HMCN2: variants seen among roughly 807,000 people sequenced by gnomAD.
HMCN2 encodes the protein hemicentin 2.
HMCN2 carries 325 observed loss-of-function variants against 377.5 expected under a neutral mutation model. The ratio of observed to expected loss-of-function variants is 0.86; its 90% CI spans 0.79 to 0.94. The LOEUF (loss-of-function observed/expected upper bound fraction) is 0.94. HMCN2 is among the 40% of genes least tolerant of loss of function. The pLI is 0.00. For synonymous variants in HMCN2, 2,007 were observed against 2,046.8 expected, an observed-to-expected ratio of 0.98 and a Z score of 0.53; for missense variants, 4,543 against 4,725.3, an observed-to-expected ratio of 0.96 and a Z score of 1.13.
rs1842959366 is a variant in HMCN2, at chr9:130,403,677, C to T, written c.12014-64C>T. The T allele has an allele frequency of 8.7e-6, 11 of 1,264,606 alleles. 1 individual carries two copies. The South Asian group carries it at 1.3e-4, about 15-fold the overall frequency. 78.3% of individuals were successfully genotyped at this position (1,264,606 alleles called of 1,614,324 possible). A position where few individuals can be genotyped will look rare whatever the true frequency, so the allele number is the denominator to read the frequency against. ...TGCCTGTGAGACAGAATAGCCCAAT[C>T]TGCCCACCTCGGGGGTCCCCAGTCC... On this transcript the variant is annotated intron_variant, in intron 79 of 97. Coordinates refer to ENST00000683500, the MANE Select transcript of HMCN2 (RefSeq NM_001291815.2).
chr9:130,386,453 A>G lies in HMCN2; in HGVS notation c.9320A>G (p.Lys3107Arg). 7.7e-7 allele frequency: 1 copy of G among 1,303,616 alleles called. No individual in the cohort carries two copies. The highest frequency in any genetic ancestry group is 1.0e-6 in the Non-Finnish European group (1 of 988,738). 80.8% of individuals were successfully genotyped at this position (1,303,616 alleles called of 1,614,324 possible). Residue 3107 changes from lysine (K) to arginine (R), a missense_variant, in exon 61 of 98, where the codon AAA becomes AGA. Around this residue, in one of 5 missense-constraint regions of HMCN2, gnomAD observed 736 missense variants for 773.2 expected, o/e 0.95. Transcript: ENST00000683500. ...CTCTTCCTCTTTCAGGTATCGGATAAAGGTTTATACAGCTGTAAAGTCAGC... is the reference window on the plus strand; with the variant it reads ...CTCTTCCTCTTTCAGGTATCGGATAGAGGTTTATACAGCTGTAAAGTCAGC... ...LEIQEAQVSD[K>R]GLYSCKVSNV...
At chr9:130,296,056 G>T (rs1263703132) in intron 6 of HMCN2, among the ~76,000 whole-genome samples, 1 of 152,232 alleles carries the variant, frequency 6.6e-6, no homozygotes, top group Non-Finnish European at 1.5e-5. Flanking sequence ...AAGCTGTGAA[G>T]AATGTGTAAA....
rs1844112102 is a variant in HMCN2, at chr9:130,423,039, G to A, written c.13381+313G>A. On this transcript the variant is annotated intron_variant, in intron 87 of 97. Coordinates refer to ENST00000683500, the MANE Select transcript of HMCN2 (RefSeq NM_001291815.2). This position sits in a 1 kb window ranked among gnomAD's most constrained non-coding sequence, Gnocchi z 5.5. Reference sequence around the variant, plus strand: ...TCAGATTGTGGTTTCCCAAGCCACCGATGGCTCCCTGAGGCTTTTCCCCAT... The same window carrying A: ...TCAGATTGTGGTTTCCCAAGCCACCAATGGCTCCCTGAGGCTTTTCCCCAT... Among the ~76,000 whole-genome samples the A allele has an allele frequency of 6.6e-6, 1 of 152,326 alleles. No homozygotes were observed. The highest frequency in any genetic ancestry group is 1.5e-5 in the Non-Finnish European group (1 of 68,030).
At chr9:130,345,081 A>AGTGTTTG in intron 25 of HMCN2, among the ~76,000 whole-genome samples, 4 of 128,910 alleles carry the variant, frequency 3.1e-5, no homozygotes, top group Non-Finnish European at 6.6e-5. Flanking sequence ...TGTAGTGTGT[A>AGTGTTTG]GTGCATGGTG....
chr9:130,389,173 G>A (rs1429871355), intron 62 of HMCN2, among the ~76,000 whole-genome samples: 4 of 152,140 alleles, frequency 2.6e-5, no homozygotes, highest in African/African-American at 2.4e-5. Context: ...CCCTCCATGC[G>A]CTAAACGTGG....
chr9:130,387,711 G>T (rs1842097966), intron 61 of HMCN2, among the ~76,000 whole-genome samples: 1 of 152,164 alleles, frequency 6.6e-6, no homozygotes, highest in Non-Finnish European at 1.5e-5. Context: ...AGATGCCAAA[G>T]CCAGTAGCCT....
At chr9:130,279,046 C>A (rs897247055) in intron 1 of HMCN2, among the ~76,000 whole-genome samples, 3 of 151,432 alleles carry the variant, frequency 2.0e-5, no homozygotes, top group Non-Finnish European at 4.4e-5. Flanking sequence ...TACAGGCATG[C>A]GTCACCAGGC....
At chr9:130,320,121 G>C (rs1359240023) in intron 16 of HMCN2, among the ~76,000 whole-genome samples, 1 of 152,182 alleles carries the variant, frequency 6.6e-6, no homozygotes, top group African/African-American at 2.4e-5. Context: ...ACTACTACAA[G>C]GTACAGGCCA....
chr9:130,404,415 C>T (rs182650636), intron 80 of HMCN2, among the ~76,000 whole-genome samples: 16 of 152,312 alleles, frequency 1.1e-4, no homozygotes, highest in Admixed American at 3.9e-4. Flanking sequence ...GCTCCTCTCC[C>T]CTGGGACCTG....
intron 22 of HMCN2, among the ~76,000 whole-genome samples, chr9:130,336,401 A>T (rs1043021471): frequency 2.0e-5 from 3 of 152,012 alleles, no homozygotes; most frequent in African/African-American, 7.3e-5. Flanking sequence ...TTTGTTGAGG[A>T]CCTCTCTGTT....
At chr9:130,295,481 G>A (rs187921394) in intron 5 of HMCN2, among the ~76,000 whole-genome samples, 185 bp from the exon 6 acceptor site, 100 of 152,238 alleles carry the variant, frequency 6.6e-4, no homozygotes, top group African/African-American at 2.3e-3. Context: ...CACACAGTCT[G>A]CCCCTGGGGA....
At chr9:130,271,700 A>G (rs535365481) in intron 1 of HMCN2, among the ~76,000 whole-genome samples, 1 of 148,822 alleles carries the variant, frequency 6.7e-6, no homozygotes, top group East Asian at 1.9e-4. Context: ...CTATTTCTCC[A>G]AGGAGCCCTG....
At chr9:130,395,397 C>T in intron 71 of HMCN2, 50 bp downstream of exon 71, 1 of 1,246,046 alleles carries the variant, frequency 8.0e-7, no homozygotes, top group South Asian at 1.3e-5. Context: ...CCGCTCAGGC[C>T]TCAGACCTGA....
chr9:130,324,235 C>G, intron 19 of HMCN2, among the ~76,000 whole-genome samples: 1 of 152,244 alleles, frequency 6.6e-6, no homozygotes, highest in Admixed American at 6.5e-5. Context: ...TATGAACTTG[C>G]GTATCTAGGG....
chr9:130,389,198 C>T (rs1017540093), intron 62 of HMCN2, among the ~76,000 whole-genome samples: 3 of 152,276 alleles, frequency 2.0e-5, no homozygotes, highest in South Asian at 4.1e-4. Flanking sequence ...GCTGGCTCCT[C>T]GAACCTGCCC....
chr9:130,363,220 G>T (rs1186626832), intron 40 of HMCN2, among the ~76,000 whole-genome samples: 1 of 152,214 alleles, frequency 6.6e-6, no homozygotes, highest in Non-Finnish European at 1.5e-5. Flanking sequence ...CAGGAGCTCT[G>T]CCCCATGTTC....
chr9:130,430,196 C>A, intron 94 of HMCN2, 88 bp from the exon 95 acceptor site: 1 of 1,125,446 alleles, frequency 8.9e-7, no homozygotes, highest in Non-Finnish European at 1.2e-6. Context: ...GGAATGCCAA[C>A]AAGAGAGAAG....
At chr9:130,395,852 A>ACCAGGC (rs1842581144) in intron 71 of HMCN2, 72 bp from the exon 72 acceptor site, 1 of 1,229,848 alleles carries the variant, frequency 8.1e-7, no homozygotes, top group African/African-American at 1.5e-5. Context: ...TCAGTCTTCC[A>ACCAGGC]CATCTGCTGC....
chr9:130,351,615 A>C lies in HMCN2; in HGVS notation c.4585+38A>C. The C allele has an allele frequency of 7.0e-6, 9 of 1,282,456 alleles. No homozygotes were observed. The highest frequency in any genetic ancestry group is 8.2e-6 in the Non-Finnish European group (8 of 974,276). The allele number at this position is 1,282,456 out of a possible 1,614,324, so 79.4% of individuals were successfully genotyped here. On this transcript the variant is annotated intron_variant, in intron 30 of 97. Transcript: ENST00000683500. This position sits in a 1 kb window ranked among gnomAD's most constrained non-coding sequence, Gnocchi z 5.4. ...GCCTTCTGGGACCCCGCCACAGGCT[A>C]CTCAGGAAGCTTCCCACCCAGCTGC...
Sources: allele counts gnomAD v4.1 joint callset (sites outside exome capture counted in the v4.1 genomes callset), GRCh38; gene constraint gnomAD v4.1.1; regional missense constraint gnomAD v4.1.1; non-coding constraint Gnocchi (gnomAD v3.1); transcripts MANE v1.5; gene names NCBI Gene and HGNC (gene_info 2026-07-23, HGNC 2026-07-21).